The following DERA variants were observed in gnomAD, a reference collection of about 807,000 sequenced individuals.
DERA encodes 2-deoxy-D-ribose 5-phosphate aldolase.
Under a neutral mutation model 41.1 loss-of-function variants are expected in DERA, and 15 were observed. That is an observed-to-expected ratio of 0.37 (90% confidence interval 0.24 to 0.56). The LOEUF is 0.56. Ranked by LOEUF, DERA falls within the 20% of genes least tolerant of loss-of-function variation. DERA has a pLI of 0.81. For missense variants in DERA, 396 were observed against 403.4 expected, an observed-to-expected ratio of 0.98 and a Z score of 0.16; for synonymous variants, 139 against 137.4, an observed-to-expected ratio of 1.01 and a Z score of -0.08.
chr12:15,946,133 T>A (rs1948446216), intron 1 of DERA, among the ~76,000 whole-genome samples: 1 of 152,190 alleles, frequency 6.6e-6, no homozygotes, highest in East Asian at 1.9e-4. Context: ...GGTTTGCCAG[T>A]ATTTTATTGA....
At chr12:15,986,616 A>C (rs1453796938) in intron 6 of DERA, among the ~76,000 whole-genome samples, 1 of 152,104 alleles carries the variant, frequency 6.6e-6, no homozygotes, top group East Asian at 1.9e-4. Context: ...TTACATCCTC[A>C]TTGGTTCTTT....
rs1336760682 is a variant in DERA at position 16,000,173 on chromosome 12, G to C, written c.637+17737G>C. 6.6e-6 allele frequency among the ~76,000 whole-genome samples: 1 copy of C among 152,150 alleles called. No individual in the cohort carries two copies. The highest frequency in any genetic ancestry group is 1.5e-5 in the Non-Finnish European group (1 of 68,022). ...GTCAGGATAGGGAATTTAAGAGGAC[G>C]AAGTCTTTTTCCCAGCCCAGGAACC... On this transcript the variant is annotated intron_variant, in intron 6 of 8. Coordinates refer to ENST00000428559, the MANE Select transcript of DERA (RefSeq NM_015954.4). This position sits in a 1 kb window ranked among gnomAD's most constrained non-coding sequence, Gnocchi z 4.8.
rs574475679 is a variant in DERA at position 15,922,964 on chromosome 12, C to G, written c.31+11550C>G. On this transcript the variant is annotated intron_variant, in intron 1 of 8. Coordinates refer to ENST00000428559, the MANE Select transcript of DERA (RefSeq NM_015954.4). The surrounding 1 kb of genome is among the most constrained non-coding windows in gnomAD (Gnocchi z 4.9). ...GTGGGAAATCTCTGTACCTTCTGTT[C>G]AGTTTTGCTGTGAGTCTGAAACTGC... Among the ~76,000 whole-genome samples, 14 of 150,120 alleles carry G rather than the reference C, an allele frequency of 9.3e-5. No individual in the cohort carries two copies. The highest frequency in any genetic ancestry group is 1.8e-4 in the Non-Finnish European group (12 of 67,730).
At chr12:15,914,209 C>A (rs1236196877) in intron 1 of DERA, among the ~76,000 whole-genome samples, 1 of 151,982 alleles carries the variant, frequency 6.6e-6, no homozygotes, top group African/African-American at 2.4e-5. Context: ...TGGCAAAACC[C>A]TATCTCTACT....
chr12:16,034,994 G>T (rs1385386750), intron 7 of DERA, among the ~76,000 whole-genome samples: 1 of 152,176 alleles, frequency 6.6e-6, no homozygotes, highest in Non-Finnish European at 1.5e-5. Flanking sequence ...TAGCAGATAT[G>T]GTTGGAATCC....
chr12:15,932,280 T>C (rs1242719443), intron 1 of DERA, among the ~76,000 whole-genome samples: 2 of 152,210 alleles, frequency 1.3e-5, no homozygotes, highest in African/African-American at 4.8e-5. Flanking sequence ...CAACTTTAGG[T>C]GTGTAAATAT....
At chr12:15,947,552 A>G (rs752886610) in intron 1 of DERA, among the ~76,000 whole-genome samples, 3 of 151,516 alleles carry the variant, frequency 2.0e-5, no homozygotes, top group South Asian at 4.2e-4. Context: ...ATTGTTTTCC[A>G]TTTGCTTGGT....
rs1265772323 is a variant in DERA, at chr12:15,928,992, A to G, written c.31+17578A>G. Among the ~76,000 whole-genome samples, 5 of 152,266 alleles carry G rather than the reference A, an allele frequency of 3.3e-5. No individual in the cohort carries two copies. Among genetic ancestry groups the G allele is most frequent in the Non-Finnish European group, 5.9e-5 (4 of 68,018 alleles). On this transcript the variant is annotated intron_variant, in intron 1 of 8. Coordinates refer to ENST00000428559, the MANE Select transcript of DERA (RefSeq NM_015954.4). The surrounding 1 kb of genome is among the most constrained non-coding windows in gnomAD (Gnocchi z 4.6). ...GAGCAGCGTTCTCTGTGAAAACTGG[A>G]CAGGAGTCAGCTCCTTTAGAGCACT...
In DERA at chr12:16,036,257, T is replaced by G. The variant is rs1949127227; in HGVS notation, c.776T>G (p.Ile259Ser). 6.2e-7 allele frequency: 1 copy of G among 1,612,400 alleles called. No homozygotes were observed. Among genetic ancestry groups the G allele is most frequent in the Non-Finnish European group, 8.5e-7 (1 of 1,179,322 alleles). ...ATAGGGTTTAAACCAGCAGGAGGCA[T>G]CCGCAGTGCAAAGGATTCCCTTGCT... is the stretch of plus-strand genomic sequence containing the variant. ...NKIGFKPAGG[I>S]RSAKDSLAWL... The change falls in exon 8 of 9, where the codon ATC becomes AGC. Residue 259 changes from isoleucine to serine, a missense_variant. Coordinates refer to ENST00000428559, the MANE Select transcript of DERA (RefSeq NM_015954.4). The surrounding 1 kb of genome is among the most constrained non-coding windows in gnomAD (Gnocchi z 4.9).
At position 16,017,003 on chromosome 12, in the gene DERA, G is replaced by A. The variant is rs1948987414; in HGVS notation, c.638-15539G>A. Among the ~76,000 whole-genome samples the A allele has an allele frequency of 6.6e-6, 1 of 152,092 alleles. No individual in the cohort carries two copies. The highest frequency in any genetic ancestry group is 1.5e-5 in the Non-Finnish European group (1 of 68,026). On this transcript the variant is annotated intron_variant, in intron 6 of 8. Transcript: ENST00000428559. This position sits in a 1 kb window ranked among gnomAD's most constrained non-coding sequence, Gnocchi z 5.5. ...TCAGGTGCTTGTTTCGATCAGGTGCGTCTACCAGTATTTTGAAGGGTTTGC... is the reference window on the plus strand; with the variant it reads ...TCAGGTGCTTGTTTCGATCAGGTGCATCTACCAGTATTTTGAAGGGTTTGC...
intron 5 of DERA, among the ~76,000 whole-genome samples, chr12:15,974,408 G>A (rs1006730548): frequency 1.4e-4 from 21 of 152,012 alleles, no homozygotes; most frequent in South Asian, 2.1e-4. Context: ...TGACGATTAC[G>A]GGCCTGTTGT....
At chr12:16,033,522 C>T (rs1238091595) in intron 7 of DERA, among the ~76,000 whole-genome samples, 1 of 147,286 alleles carries the variant, frequency 6.8e-6, no homozygotes, top group East Asian at 2.0e-4. Context: ...TCTCAAGTTA[C>T]TTGTTTAGCT....
At chr12:16,023,471 G>C (rs1391388853) in intron 6 of DERA, among the ~76,000 whole-genome samples, 1 of 134,722 alleles carries the variant, frequency 7.4e-6, no homozygotes, top group South Asian at 2.2e-4. Flanking sequence ...AAAACTCAAA[G>C]TCTTTTTTTT....
At chr12:15,963,053 G>T in intron 5 of DERA, 106 bp downstream of exon 5, 1 of 1,404,572 alleles carries the variant, frequency 7.1e-7, no homozygotes, top group Non-Finnish European at 9.5e-7. Context: ...TAGGTGACAA[G>T]TTAGTAGATC....
rs1173396916 is a variant in DERA, at chr12:15,965,757, C to A, written c.508+2810C>A. Among the ~76,000 whole-genome samples, 1 of 152,186 alleles carries A rather than the reference C, an allele frequency of 6.6e-6. No individual in the cohort carries two copies. Among genetic ancestry groups the A allele is most frequent in the Non-Finnish European group, 1.5e-5 (1 of 68,026 alleles). On this transcript the variant is annotated intron_variant, in intron 5 of 8. Coordinates refer to ENST00000428559, the MANE Select transcript of DERA (RefSeq NM_015954.4). The surrounding 1 kb of genome is among the most constrained non-coding windows in gnomAD (Gnocchi z 4.1). ...TTAGCATATGAACTGCCTCCTACTT[C>A]TCAGAGAAAATAAAATCATCAGACA...
At position 15,985,489 on chromosome 12, in the gene DERA, T is replaced by G. The variant is rs1176834164; in HGVS notation, c.637+3053T>G. Among the ~76,000 whole-genome samples, 1 of 152,164 alleles carries G rather than the reference T, an allele frequency of 6.6e-6. No individual in the cohort carries two copies. The highest frequency in any genetic ancestry group is 1.5e-5 in the Non-Finnish European group (1 of 68,016). ...TTTCCTGTTGTTGTTTTTGCTTTTCTTTCCTCCTCTGCTTGTTCATGCTAG... is the reference window on the plus strand; with the variant it reads ...TTTCCTGTTGTTGTTTTTGCTTTTCGTTCCTCCTCTGCTTGTTCATGCTAG... On this transcript the variant is annotated intron_variant, in intron 6 of 8. Transcript: ENST00000428559. The surrounding 1 kb of genome is among the most constrained non-coding windows in gnomAD (Gnocchi z 4.2).
chr12:15,942,792 C>T (rs1399955409), intron 1 of DERA, among the ~76,000 whole-genome samples: 2 of 152,214 alleles, frequency 1.3e-5, no homozygotes, highest in Non-Finnish European at 2.9e-5. Context: ...TGCTGTGCGA[C>T]ATTGCTGGAG....
At chr12:15,917,736 T>C (rs775986269) in intron 1 of DERA, among the ~76,000 whole-genome samples, 4 of 152,198 alleles carry the variant, frequency 2.6e-5, no homozygotes, top group Non-Finnish European at 5.9e-5. Context: ...GAGGACAGTT[T>C]TTCCACAGAC....
intron 4 of DERA, 84 bp downstream of exon 4, chr12:15,960,008 A>C: frequency 4.1e-6 from 4 of 970,426 alleles, no homozygotes; most frequent in Non-Finnish European, 6.1e-6. Flanking sequence ...GTAGGTTTGT[A>C]CTATGATTTA....
Sources: allele counts gnomAD v4.1 joint callset (sites outside exome capture counted in the v4.1 genomes callset), GRCh38; gene constraint gnomAD v4.1.1; non-coding constraint Gnocchi (gnomAD v3.1); transcripts MANE v1.5; gene names NCBI Gene and HGNC (gene_info 2026-07-23, HGNC 2026-07-21).